The following OGG1 variants were observed in gnomAD, a reference collection of about 807,000 sequenced individuals.
The protein encoded by OGG1 is N-glycosylase/DNA lyase.
In OGG1, 35 loss-of-function variants were observed where a neutral mutation model predicts 42.3. That is an observed-to-expected ratio of 0.83 (90% CI 0.63 to 1.10). The LOEUF (loss-of-function observed/expected upper bound fraction) is 1.10, where lower values mean the gene tolerates loss of function less well. Ranked by LOEUF, OGG1 falls within the 50% of genes least tolerant of loss-of-function variation. The pLI, the probability that OGG1 is intolerant of heterozygous loss-of-function variation, is 0.00. For missense variants in OGG1, 484 were observed against 446.7 expected, an observed-to-expected ratio of 1.08 and a Z score of -0.75; for synonymous variants, 189 against 179.0, an observed-to-expected ratio of 1.06 and a Z score of -0.44.
At chr3:9,766,799 C>T (rs1479357400), downstream of OGG1, 1 of 215,274 alleles carries the variant, frequency 4.6e-6, no homozygotes, top group Non-Finnish European at 8.3e-6. Flanking sequence ...GTAACCTCAT[C>T]ACTGGTTTCC....
At position 9,763,356 on chromosome 3, in the gene OGG1, G is replaced by A. The variant is rs548588277; in HGVS notation, c.1049-2453G>A. 5 of 804,538 alleles carry A rather than the reference G, an allele frequency of 6.2e-6. No homozygotes were observed. The African/African-American group carries it at 8.8e-5, about 14-fold the overall frequency. 49.8% of individuals were successfully genotyped at this position (804,538 alleles called of 1,614,324 possible). A position where few individuals can be genotyped will look rare whatever the true frequency, so the allele number is the denominator to read the frequency against. ...TGCAGTCTGTTATGATTGCACCTGT[G>A]ACTAGCCACTGCACTCCAGCCTGGG... On this transcript the variant is annotated intron_variant, in intron 7 of 7. Transcript: ENST00000302008.
chr3:9,754,176 C>G (rs1352882733), intron 3 of OGG1, among the ~76,000 whole-genome samples: 2 of 152,174 alleles, frequency 1.3e-5, no homozygotes, highest in Non-Finnish European at 2.9e-5. Flanking sequence ...TGTCCCAGAC[C>G]TAGGTGCAAG....
chr3:9,750,982 C>T lies in OGG1; in HGVS notation c.175C>T (p.Leu59=), dbSNP rs942260890. 10 of 1,613,964 alleles carry T rather than the reference C, an allele frequency of 6.2e-6. 1 individual carries two copies. Among genetic ancestry groups the T allele is most frequent in the Middle Eastern group, 1.6e-4 (1 of 6,072 alleles). Residue 59 remains leucine (L), a synonymous_variant, in exon 2 of 7, where the codon CTA becomes TTA. Transcript: ENST00000344629. The part of the protein sequence containing the change: ...EQSPAHWSGV[L]ADQVWTLTQT... ...AAGTCCTGCACACTGGAGTGGTGTA[C>T]TAGCGGATCAAGTATGGACACTGAC... is the stretch of plus-strand genomic sequence containing the variant.
In OGG1 at chr3:9,756,836, C is replaced by T. The variant is rs1575208793; in HGVS notation, c.948+20C>T. 2 of 1,613,204 alleles carry T rather than the reference C, an allele frequency of 1.2e-6. No individual in the cohort carries two copies. The highest frequency in any genetic ancestry group is 1.7e-6 in the Non-Finnish European group (2 of 1,179,856). Reference sequence around the variant, plus strand: ...CAAGCGGTGAGTGTACCTAGGTGTCCTCCCTAGGTTTCCTCTCCTCCAGCC... The same window carrying T: ...CAAGCGGTGAGTGTACCTAGGTGTCTTCCCTAGGTTTCCTCTCCTCCAGCC... On this transcript the variant is annotated intron_variant, in intron 6 of 6. Coordinates refer to ENST00000344629, the MANE Select transcript of OGG1 (RefSeq NM_002542.6).
intron 2 of OGG1, among the ~76,000 whole-genome samples, chr3:9,772,286 A>G (rs2078311992): frequency 6.6e-6 from 1 of 152,218 alleles, no homozygotes; most frequent in Admixed American, 6.5e-5. Flanking sequence ...TGTATTGAAA[A>G]CACACACAGA....
At chr3:9,759,184 C>T, downstream of OGG1, 1 of 1,610,790 alleles carries the variant, frequency 6.2e-7, no homozygotes, top group Non-Finnish European at 8.5e-7. Flanking sequence ...ACTTAACTGA[C>T]AGCTCTGTCA....
chr3:9,766,443 T>C, exon 8 of OGG1: 1 of 428,078 alleles, frequency 2.3e-6, no homozygotes, highest in Non-Finnish European at 4.3e-6. Flanking sequence ...GGAACTTTTT[T>C]AGAAATGCAA....
At chr3:9,777,408 AG>A (rs2125609587) in intron 2 of OGG1, among the ~76,000 whole-genome samples, 1 of 152,310 alleles carries the variant, frequency 6.6e-6, no homozygotes, top group East Asian at 1.9e-4. Context: ...GAACTCTGCC[AG>A]GGATGGTGCT....
chr3:9,765,376 G>C (rs766128037), intron 7 of OGG1, among the ~76,000 whole-genome samples: 1 of 152,218 alleles, frequency 6.6e-6, no homozygotes, highest in Admixed American at 6.5e-5. Flanking sequence ...TTAGTCTGGG[G>C]GTCAGCAGAC....
At chr3:9,777,882 G>A (rs1405708012) in intron 2 of OGG1, among the ~76,000 whole-genome samples, 2 of 152,172 alleles carry the variant, frequency 1.3e-5, no homozygotes, top group East Asian at 3.9e-4. Flanking sequence ...TTCAAGCAGA[G>A]CTGCCATATA....
chr3:9,790,351 C>G (rs1170406476), downstream of OGG1, among the ~76,000 whole-genome samples: 1 of 152,206 alleles, frequency 6.6e-6, no homozygotes, highest in Non-Finnish European at 1.5e-5. Context: ...GAGTCATAGC[C>G]TTCCTCAAGG....
chr3:9,753,434 C>T (rs1180175604), intron 3 of OGG1, among the ~76,000 whole-genome samples: 2 of 151,584 alleles, frequency 1.3e-5, no homozygotes, highest in Non-Finnish European at 2.9e-5. Context: ...GGGTGGATCA[C>T]GAGGTCAGGA....
At chr3:9,774,591 T>C (rs991492880) in intron 2 of OGG1, among the ~76,000 whole-genome samples, 1 of 152,094 alleles carries the variant, frequency 6.6e-6, no homozygotes, top group African/African-American at 2.4e-5. Flanking sequence ...CACACAGGAT[T>C]GATAACAAAC....
exon 8 of OGG1, chr3:9,766,290 G>T: frequency 1.4e-6 from 1 of 701,154 alleles, no homozygotes; most frequent in Non-Finnish European, 2.6e-6. Context: ...AACATTATGT[G>T]GCCCTCTGGA....
rs897481607 is a variant in OGG1 at position 9,784,252 on chromosome 3, C to G, written c.382+2652C>G. 3.2e-6 allele frequency: 5 copies of G among 1,582,140 alleles called. No individual in the cohort carries two copies. The South Asian group carries it at 4.5e-5, about 14-fold the overall frequency. ...CAGGCCCGTCAGACTCAAGAGCCAG[C>G]TTGGAGAAGGGCCCACCTTGGAGGT... On this transcript the variant is annotated intron_variant, in intron 3 of 3. Coordinates refer to the OGG1 transcript ENST00000426518.
At chr3:9,769,578 C>T (rs1000255179), downstream of OGG1, among the ~76,000 whole-genome samples, 2 of 152,192 alleles carry the variant, frequency 1.3e-5, no homozygotes, top group Admixed American at 6.5e-5. Context: ...TGCCCACGCC[C>T]TTCCAGTCAG....
intron 3 of OGG1, chr3:9,781,657 G>T (rs955859405): frequency 4.6e-6 from 2 of 436,030 alleles, no homozygotes; most frequent in Admixed American, 4.7e-5. Context: ...ACATTTCATC[G>T]ATGGTGGAGC....
intron 3 of OGG1, chr3:9,787,230 G>T: frequency 6.2e-7 from 1 of 1,614,228 alleles, no homozygotes; most frequent in South Asian, 1.1e-5. Context: ...GTGGCCCCAT[G>T]AGGCCTTTCT....
downstream of OGG1, among the ~76,000 whole-genome samples, chr3:9,770,504 C>G (rs563650367): frequency 4.6e-5 from 7 of 152,290 alleles, no homozygotes; most frequent in African/African-American, 1.7e-4. Flanking sequence ...CCCGGTTCCT[C>G]TGCAAGATGG....
Sources: gnomAD v4.1 joint callset for allele counts (sites outside exome capture counted in the v4.1 genomes callset) on GRCh38, gnomAD v4.1.1 for gene constraint, MANE v1.5 for transcripts, NCBI Gene and HGNC (gene_info 2026-07-23, HGNC 2026-07-21) for gene names.